The following CHD9 variants were observed in gnomAD, a reference collection of about 807,000 sequenced individuals.
CHD9 encodes the protein chromodomain helicase DNA binding protein 9.
CHD9 carries 77 observed loss-of-function variants against 316.1 expected under a neutral mutation model. The ratio of observed to expected loss-of-function variants is 0.24; its 90% CI spans 0.20 to 0.29. The LOEUF (loss-of-function observed/expected upper bound fraction) is 0.29. CHD9 is among the 10% of genes least tolerant of loss of function. The probability of loss-of-function intolerance (pLI) is 1.00; values close to 1 mark genes in which losing one functional copy is unlikely to be tolerated. For synonymous variants in CHD9, 1,129 were observed against 1,158.3 expected (o/e 0.97, Z 0.51); for missense variants, 2,763 against 3,438.1 (o/e 0.80, Z 4.91).
intron 1 of CHD9, among the ~76,000 whole-genome samples, chr16:53,058,467 G>C (rs149182501): frequency 1.1e-4 from 17 of 152,282 alleles, no homozygotes; most frequent in Admixed American, 4.6e-4. Context: ...GTTATGCATT[G>C]ATCTGCCAGG....
intron 2 of CHD9, among the ~76,000 whole-genome samples, chr16:53,175,712 G>A (rs867306956): frequency 3.8e-4 from 58 of 152,276 alleles, no homozygotes; most frequent in African/African-American, 1.3e-3. Context: ...GCTTTGATAT[G>A]AACTGACAAG....
At chr16:53,197,995 G>T (rs2045085837) in intron 2 of CHD9, among the ~76,000 whole-genome samples, 2 of 151,838 alleles carry the variant, frequency 1.3e-5, no homozygotes, top group African/African-American at 4.8e-5. Flanking sequence ...TCTGTGATTG[G>T]AATTACGGAA....
At chr16:53,255,065 C>A (rs149616483) in intron 18 of CHD9, among the ~76,000 whole-genome samples, 91 of 152,194 alleles carry the variant, frequency 6.0e-4, no homozygotes, top group African/African-American at 2.1e-3. Context: ...AATCTCAGCA[C>A]TTTGGGACGC....
chr16:53,145,665 C>T (rs2040516633), intron 1 of CHD9, among the ~76,000 whole-genome samples: 1 of 151,824 alleles, frequency 6.6e-6, no homozygotes, highest in African/African-American at 2.4e-5. Context: ...GAGATTGCAC[C>T]ATTGCACTCC....
At chr16:53,191,013 A>G (rs1473699220) in intron 2 of CHD9, among the ~76,000 whole-genome samples, 2 of 152,142 alleles carry the variant, frequency 1.3e-5, no homozygotes, top group Non-Finnish European at 2.9e-5. Flanking sequence ...TTTGACAAAT[A>G]TATACAATTA....
At chr16:53,230,515 C>G (rs966609086) in intron 8 of CHD9, among the ~76,000 whole-genome samples, 4 of 152,082 alleles carry the variant, frequency 2.6e-5, no homozygotes, top group Non-Finnish European at 5.9e-5. Context: ...GGGAGGTCCT[C>G]TCATCACCTT....
intron 19 of CHD9, among the ~76,000 whole-genome samples, chr16:53,260,308 A>G (rs1474866261): frequency 1.3e-5 from 2 of 152,142 alleles, no homozygotes; most frequent in Non-Finnish European, 2.9e-5. Context: ...GTGAAACTCC[A>G]TCTCTACAAA....
intron 33 of CHD9, 77 bp from the exon 34 acceptor site, chr16:53,308,609 T>TA (rs933914879): frequency 1.0e-4 from 106 of 1,043,536 alleles, no homozygotes; most frequent in Non-Finnish European, 1.4e-4. Flanking sequence ...TTTTCCTCAG[T>TA]AAAAAAATTC....
chr16:53,121,067 A>G (rs565755292), intron 1 of CHD9, among the ~76,000 whole-genome samples: 1 of 152,308 alleles, frequency 6.6e-6, no homozygotes, highest in South Asian at 2.1e-4. Flanking sequence ...GTACCTGCAA[A>G]TGAAGGTTAA....
At chr16:53,258,573 A>T (rs2050805557) in intron 19 of CHD9, among the ~76,000 whole-genome samples, 1 of 152,142 alleles carries the variant, frequency 6.6e-6, no homozygotes, top group Non-Finnish European at 1.5e-5. Context: ...CGACCCAAAG[A>T]CTTCAGCTCT....
chr16:53,202,667 G>T (rs1258656698), intron 2 of CHD9, among the ~76,000 whole-genome samples: 1 of 151,972 alleles, frequency 6.6e-6, no homozygotes, highest in East Asian at 1.9e-4. Context: ...AACAAAACTT[G>T]TATGAACATC....
intron 1 of CHD9, among the ~76,000 whole-genome samples, chr16:53,090,941 C>T (rs74016995): frequency 6.3e-4 from 32 of 50,706 alleles, no homozygotes; most frequent in African/African-American, 2.3e-3. Context: ...TGCTCTCACA[C>T]GCCCATTTGC....
At chr16:53,189,816 T>C (rs1597359952) in intron 2 of CHD9, among the ~76,000 whole-genome samples, 1 of 152,046 alleles carries the variant, frequency 6.6e-6, no homozygotes, top group Non-Finnish European at 1.5e-5. Flanking sequence ...ATAGCGGAGG[T>C]ATAAATGAAG....
At chr16:53,184,616 A>T (rs1041916006) in intron 2 of CHD9, among the ~76,000 whole-genome samples, 7 of 152,162 alleles carry the variant, frequency 4.6e-5, no homozygotes, top group Non-Finnish European at 1.0e-4. Flanking sequence ...AAGTGCTGGG[A>T]TTATAGACAT....
chr16:53,177,260 C>G (rs1009368887), intron 2 of CHD9, among the ~76,000 whole-genome samples: 1 of 152,100 alleles, frequency 6.6e-6, no homozygotes, highest in African/African-American at 2.4e-5. Flanking sequence ...CTGGCCGACA[C>G]CTTAATATAT....
At chr16:53,253,399 C>T (rs1276935570) in intron 17 of CHD9, among the ~76,000 whole-genome samples, 2 of 152,062 alleles carry the variant, frequency 1.3e-5, no homozygotes, top group African/African-American at 4.8e-5. Flanking sequence ...GCTGTGAGGA[C>T]ACAAAGGCAT....
chr16:53,143,667 A>C (rs557553596), intron 1 of CHD9, among the ~76,000 whole-genome samples: 3 of 152,136 alleles, frequency 2.0e-5, no homozygotes, highest in Non-Finnish European at 4.4e-5. Flanking sequence ...GATTACAGGC[A>C]TGAGCTACCA....
chr16:53,231,589 T>A (rs2048178830), intron 9 of CHD9, 58 bp from the exon 10 acceptor site: 1 of 1,418,056 alleles, frequency 7.1e-7, no homozygotes, highest in African/African-American at 1.4e-5. Context: ...ATTCTCTGTT[T>A]AAACTATTTC....
chr16:53,062,694 A>G (rs2033043969), intron 1 of CHD9, among the ~76,000 whole-genome samples: 1 of 152,164 alleles, frequency 6.6e-6, no homozygotes, highest in South Asian at 2.1e-4. Flanking sequence ...GTGAGCTATG[A>G]TCATGCCACT....
Sources: gnomAD v4.1 joint callset for allele counts (sites outside exome capture counted in the v4.1 genomes callset) on GRCh38, gnomAD v4.1.1 for gene constraint, MANE v1.5 for transcripts, NCBI Gene and HGNC (gene_info 2026-07-23, HGNC 2026-07-21) for gene names.